The following FER1L6 variants were observed in gnomAD, a reference collection of about 807,000 sequenced individuals.
The protein encoded by FER1L6 is fer-1 like family member 6.
A neutral mutation model predicts 219.2 loss-of-function variants in FER1L6; 177 were observed. The ratio of observed to expected loss-of-function variants is 0.81; its 90% CI spans 0.71 to 0.91. The LOEUF is 0.91. FER1L6 is among the 40% of genes least tolerant of loss of function. FER1L6 has a pLI of 0.00. For missense variants in FER1L6, 2,153 were observed against 2,259.9 expected (o/e 0.95, Z 0.96); for synonymous variants, 768 against 824.3 (o/e 0.93, Z 1.17).
At chr8:123,963,591 C>A (rs979594217) in intron 3 of FER1L6, among the ~76,000 whole-genome samples, 193 bp downstream of exon 3, 6 of 152,178 alleles carry the variant, frequency 3.9e-5, no homozygotes, top group Non-Finnish European at 8.8e-5. Flanking sequence ...TACCGTTCAG[C>A]CTTCATCAGG....
chr8:124,101,071 T>C lies in FER1L6; in HGVS notation c.4884-26T>C, dbSNP rs371158550. 54 of 1,610,000 alleles carry C rather than the reference T, an allele frequency of 3.4e-5. No individual in the cohort carries two copies. The African/African-American group carries it at 6.8e-4, about 20-fold the overall frequency. On this transcript the variant is annotated intron_variant, in intron 37 of 40. Transcript: ENST00000522917. ...TGCCTGGAGAATGTACTCTGAGTGTTTAAATTATTTTGAATCTATTTTTAG... is the reference window on the plus strand; with the variant it reads ...TGCCTGGAGAATGTACTCTGAGTGTCTAAATTATTTTGAATCTATTTTTAG...
At chr8:123,949,859 C>T (rs190411104) in intron 1 of FER1L6, among the ~76,000 whole-genome samples, 2 of 152,144 alleles carry the variant, frequency 1.3e-5, no homozygotes, top group Admixed American at 1.3e-4. Flanking sequence ...GATAATCAAG[C>T]AATATATGGG....
At chr8:124,116,721 T>G (rs1198720954) in intron 39 of FER1L6, among the ~76,000 whole-genome samples, 1 of 152,232 alleles carries the variant, frequency 6.6e-6, no homozygotes, top group Non-Finnish European at 1.5e-5. Flanking sequence ...TTAAGCTGAC[T>G]CTACTTCAAA....
rs151128156 is a variant in FER1L6 at position 123,970,923 on chromosome 8, C to T, written c.447+826C>T. On this transcript the variant is annotated intron_variant, in intron 6 of 40. Coordinates refer to ENST00000522917, the MANE Select transcript of FER1L6 (RefSeq NM_001039112.2). The stretch of plus-strand genomic sequence containing the variant: ...TGACATACTGCATCTACCTTACCAG[C>T]GTGACAGATCACCACAGCTTCTCCC... Among the ~76,000 whole-genome samples, 907 of 152,290 alleles carry T rather than the reference C, an allele frequency of 6.0e-3. 9 individuals are homozygous for T. The highest frequency in any genetic ancestry group is 0.021 in the African/African-American group (867 of 41,552).
intron 1 of FER1L6, among the ~76,000 whole-genome samples, chr8:123,898,749 C>CA: frequency 1.6e-5 from 2 of 123,804 alleles, no homozygotes; most frequent in East Asian, 4.3e-4. Flanking sequence ...TACATATATA[C>CA]TATATATACA....
intron 1 of FER1L6, among the ~76,000 whole-genome samples, chr8:123,916,781 T>C (rs1267416211): frequency 5.3e-5 from 8 of 152,184 alleles, no homozygotes; most frequent in Non-Finnish European, 7.3e-5. Flanking sequence ...GCCCACTGAG[T>C]GCCCTTCTGA....
intron 39 of FER1L6, among the ~76,000 whole-genome samples, chr8:124,107,390 AGAAAT>A: frequency 6.6e-6 from 1 of 152,214 alleles, no homozygotes; most frequent in East Asian, 1.9e-4. Flanking sequence ...AGAGGAATAA[AGAAAT>A]GACAGAAGAC....
chr8:123,930,243 G>T (rs1243673209), intron 1 of FER1L6, among the ~76,000 whole-genome samples: 2 of 152,088 alleles, frequency 1.3e-5, no homozygotes, highest in Non-Finnish European at 2.9e-5. Flanking sequence ...ACATTAGTTT[G>T]TGTATCCACC....
At chr8:123,940,463 G>A (rs970400200) in intron 1 of FER1L6, among the ~76,000 whole-genome samples, 2 of 152,028 alleles carry the variant, frequency 1.3e-5, no homozygotes, top group Non-Finnish European at 2.9e-5. Flanking sequence ...TCAGCCTTCT[G>A]AGTAGCTGGG....
rs148371607 is a variant in FER1L6 at position 123,891,420 on chromosome 8, C to CT, written c.-8+39243dup. Among the ~76,000 whole-genome samples, 264 of 151,772 alleles carry CT rather than the reference C, an allele frequency of 1.7e-3. 1 individual carries two copies. Among genetic ancestry groups the CT allele is most frequent in the African/African-American group, 5.7e-3 (238 of 41,404 alleles). ...CAAAACTGAGATTTGCATTTACCTT[C>CT]TTTTTTTTAATGATGGAGAGAAAAG... On this transcript the variant is annotated intron_variant, in intron 1 of 40. Coordinates refer to ENST00000522917, the MANE Select transcript of FER1L6 (RefSeq NM_001039112.2).
chr8:124,067,249 A>T (rs1382474448), intron 27 of FER1L6, among the ~76,000 whole-genome samples: 3 of 152,224 alleles, frequency 2.0e-5, no homozygotes, highest in Non-Finnish European at 4.4e-5. Flanking sequence ...ACTATTTCTC[A>T]AATATTGATA....
chr8:123,960,297 A>C (rs934363177), intron 2 of FER1L6, among the ~76,000 whole-genome samples: 1 of 152,170 alleles, frequency 6.6e-6, no homozygotes, highest in African/African-American at 2.4e-5. Flanking sequence ...GTTTTTGCCG[A>C]AAGTCTGGTT....
At chr8:123,993,215 GGC>G (rs1816946268) in intron 12 of FER1L6, among the ~76,000 whole-genome samples, 1 of 152,018 alleles carries the variant, frequency 6.6e-6, no homozygotes, top group South Asian at 2.1e-4. Context: ...GGCCGAGGCG[GGC>G]GGATCACGAG....
rs755369282 is a variant in FER1L6, at chr8:123,980,461, C to G, written c.1064-4C>G. ...GAGATAACTAAAACCTGGGGTCTCT[C>G]TAGGCTTTCTGCCCACCTTTGGGCC... is the stretch of plus-strand genomic sequence containing the variant. On this transcript the variant is annotated splice_region_variant and splice_polypyrimidine_tract_variant and intron_variant, in intron 10 of 40. Coordinates refer to ENST00000522917, the MANE Select transcript of FER1L6 (RefSeq NM_001039112.2). 7.5e-6 allele frequency: 12 copies of G among 1,603,762 alleles called. No individual in the cohort carries two copies. The highest frequency in any genetic ancestry group is 2.6e-6 in the Non-Finnish European group (3 of 1,175,388).
chr8:123,875,743 T>C (rs746400800), intron 1 of FER1L6, among the ~76,000 whole-genome samples: 16 of 152,154 alleles, frequency 1.1e-4, no homozygotes, highest in Non-Finnish European at 1.9e-4. Flanking sequence ...AAATGACAAC[T>C]CCATTTCTCA....
intron 16 of FER1L6, among the ~76,000 whole-genome samples, chr8:124,018,406 T>C (rs6470206): frequency 0.58 from 88,196 of 152,056 alleles, 26,058 homozygotes; most frequent in African/African-American, 0.65. Context: ...AGATCACAGC[T>C]AGTTAACTGT....
chr8:123,944,413 C>T (rs1331984332), intron 1 of FER1L6, among the ~76,000 whole-genome samples: 1 of 151,610 alleles, frequency 6.6e-6, no homozygotes, highest in East Asian at 1.9e-4. Flanking sequence ...CAGTCAATAA[C>T]AAGAAGACCC....
chr8:124,018,785 C>T (rs563274310), intron 16 of FER1L6, among the ~76,000 whole-genome samples: 4 of 152,218 alleles, frequency 2.6e-5, no homozygotes, highest in Non-Finnish European at 5.9e-5. Context: ...CTTATCTCAA[C>T]TTGTTCCACA....
intron 30 of FER1L6, 32 bp downstream of exon 30, chr8:124,070,630 T>C (rs966746117): frequency 3.2e-6 from 5 of 1,538,722 alleles, no homozygotes; most frequent in Admixed American, 2.0e-5. Flanking sequence ...TTTATTTGGC[T>C]CTCCCTGTCC....
Sources: allele counts gnomAD v4.1 joint callset (sites outside exome capture counted in the v4.1 genomes callset), GRCh38; gene constraint gnomAD v4.1.1; transcripts MANE v1.5; gene names NCBI Gene and HGNC (gene_info 2026-07-23, HGNC 2026-07-21).